GPR63: variants seen among roughly 807,000 people sequenced by gnomAD.
The protein encoded by GPR63 is G protein-coupled receptor 63, also known as probable G protein-coupled receptor 63.
GPR63 carries 12 observed loss-of-function variants against 23.1 expected under a neutral mutation model. The observed-to-expected ratio is 0.52, with a 90% CI of 0.33 to 0.84. The LOEUF (loss-of-function observed/expected upper bound fraction) is 0.84, where lower values mean the gene tolerates loss of function less well. Among genes scored for constraint, GPR63 ranks in the 40% least tolerant of loss-of-function variants. The pLI is 0.02. For synonymous variants in GPR63, 172 were observed against 191.1 expected, an observed-to-expected ratio of 0.90 and a Z score of 0.82; for missense variants, 472 against 515.6, an observed-to-expected ratio of 0.92 and a Z score of 0.82.
intron 1 of GPR63, among the ~76,000 whole-genome samples, chr6:96,809,372 G>C (rs1773982017): frequency 6.6e-6 from 1 of 152,040 alleles, no homozygotes; most frequent in Admixed American, 6.6e-5. Flanking sequence ...AAAGAGATAG[G>C]AGCACCACAT....
At chr6:96,804,130 G>A (rs372246879) in intron 1 of GPR63, among the ~76,000 whole-genome samples, 1 of 152,182 alleles carries the variant, frequency 6.6e-6, no homozygotes. Flanking sequence ...TTTATATTTG[G>A]AGTGTGCCAG....
Position 96,795,844 on chromosome 6 carries a change from T to C in GPR63, c.*2628A>G, listed in dbSNP as rs1395913031. 6.6e-6 allele frequency: 1 copy of C among 152,220 alleles called. No individual in the cohort carries two copies. Among genetic ancestry groups the C allele is most frequent in the Non-Finnish European group, 1.5e-5 (1 of 68,052 alleles). The allele number at this position is 152,220 out of a possible 1,614,324, so 9.4% of individuals were successfully genotyped here. ...CAATATCTGCTTGAAATCTAGTTTA[T>C]ATGGAAAATGGAGAGCATAATACAC... On this transcript the variant is annotated 3_prime_UTR_variant, in exon 2 of 2. Transcript: ENST00000229955.
chr6:96,798,520 T>C lies in GPR63; in HGVS notation c.1212A>G (p.Ile404Met), dbSNP rs1029386534. Residue 404 changes from isoleucine (I) to methionine (M), a missense_variant, in exon 2 of 2, where the codon ATA becomes ATG. Transcript: ENST00000229955. ...CACACACATAGACAGCACTAGGACG[T>C]ATCCGTCGCTTTGTGTGACCAGGGA... ...PQLPGHTKRR[I>M]RPSAVYVCGE... The C allele has an allele frequency of 7.4e-6, 12 of 1,614,198 alleles. No individual in the cohort carries two copies. Among genetic ancestry groups the C allele is most frequent in the Non-Finnish European group, 9.3e-6 (11 of 1,180,034 alleles).
intron 1 of GPR63, among the ~76,000 whole-genome samples, chr6:96,836,999 G>A (rs866806827): frequency 6.6e-6 from 1 of 152,160 alleles, no homozygotes; most frequent in South Asian, 2.1e-4. Flanking sequence ...GGGCAGGGGA[G>A]GGGGGCGGGC....
intron 1 of GPR63, among the ~76,000 whole-genome samples, chr6:96,836,130 T>C (rs1774721511): frequency 6.6e-6 from 1 of 152,020 alleles, no homozygotes; most frequent in Non-Finnish European, 1.5e-5. Flanking sequence ...GGAATAGAGG[T>C]GTGGCAGAGA....
intron 1 of GPR63, among the ~76,000 whole-genome samples, chr6:96,803,507 T>A (rs930676331): frequency 6.6e-6 from 1 of 152,212 alleles, no homozygotes; most frequent in African/African-American, 2.4e-5. Flanking sequence ...CTAAGGAACA[T>A]AGCATGAACA....
rs1773703916 is a variant in GPR63 at position 96,799,551 on chromosome 6, C to T, written c.181G>A (p.Val61Met). ...GTTGTGGGCACAGCTGTACTATTCA[C>T]GGTCAAGGAACTCAAACCAGTGGGA... The part of the protein sequence containing the change: ...MAPTGLSSLT[V>M]NSTAVPTTPA... The change falls in exon 2 of 2, where the codon GTG becomes ATG. Residue 61 changes from valine (V) to methionine (M), a missense_variant. Transcript: ENST00000229955. The T allele has an allele frequency of 1.9e-6, 3 of 1,614,004 alleles. No individual in the cohort carries two copies. Among genetic ancestry groups the T allele is most frequent in the Admixed American group, 1.7e-5 (1 of 60,000 alleles).
chr6:96,836,877 C>T (rs914633900), intron 1 of GPR63, among the ~76,000 whole-genome samples: 1 of 152,144 alleles, frequency 6.6e-6, no homozygotes, highest in African/African-American at 2.4e-5. Flanking sequence ...TCATCTCCTT[C>T]CTCTCACTCC....
chr6:96,799,926 T>A, intron 1 of GPR63, 45 bp from the exon 2 acceptor site: 1 of 608,470 alleles, frequency 1.6e-6, no homozygotes, highest in East Asian at 2.8e-5. Context: ...GAAATGAGAT[T>A]TGCAAATAAC....
intron 1 of GPR63, among the ~76,000 whole-genome samples, chr6:96,807,459 T>C (rs1773925677): frequency 6.6e-6 from 1 of 152,244 alleles, no homozygotes. Context: ...CTTCCATGAT[T>C]GGTGACTTTG....
intron 1 of GPR63, among the ~76,000 whole-genome samples, chr6:96,817,395 C>T (rs1009005778): frequency 8.5e-5 from 13 of 152,070 alleles, no homozygotes; most frequent in Non-Finnish European, 1.8e-4. Flanking sequence ...ATGTGGTACA[C>T]ATGAAACTTT....
At chr6:96,802,698 C>A (rs1448683696) in intron 1 of GPR63, among the ~76,000 whole-genome samples, 2 of 133,714 alleles carry the variant, frequency 1.5e-5, no homozygotes, top group African/African-American at 5.8e-5. Flanking sequence ...TGCCACCATG[C>A]CCAGCTAATT....
At chr6:96,807,174 A>G (rs1408730722) in intron 1 of GPR63, among the ~76,000 whole-genome samples, 1 of 152,254 alleles carries the variant, frequency 6.6e-6, no homozygotes, top group Non-Finnish European at 1.5e-5. Context: ...AATCAGGCAG[A>G]CAAGATGACC....
At chr6:96,833,441 C>A (rs777216210) in intron 1 of GPR63, among the ~76,000 whole-genome samples, 2 of 152,176 alleles carry the variant, frequency 1.3e-5, no homozygotes, top group African/African-American at 2.4e-5. Context: ...AAGTTACCTA[C>A]GCATTTGTTT....
chr6:96,807,788 T>C (rs936316225), intron 1 of GPR63, among the ~76,000 whole-genome samples: 1 of 152,162 alleles, frequency 6.6e-6, no homozygotes, highest in African/African-American at 2.4e-5. Context: ...CTCCTGAGTT[T>C]TGTTAGGAAG....
At chr6:96,809,447 T>C (rs1000862238) in intron 1 of GPR63, among the ~76,000 whole-genome samples, 7 of 152,168 alleles carry the variant, frequency 4.6e-5, no homozygotes, top group African/African-American at 1.7e-4. Context: ...CTGGGCTGCC[T>C]AGATAGATAT....
chr6:96,808,318 A>G (rs1773951503), intron 1 of GPR63, among the ~76,000 whole-genome samples: 1 of 152,206 alleles, frequency 6.6e-6, no homozygotes, highest in Non-Finnish European at 1.5e-5. Context: ...TAAAAAAATG[A>G]GACTCAGTAA....
chr6:96,811,307 G>A (rs543629390), intron 1 of GPR63, among the ~76,000 whole-genome samples: 2 of 152,280 alleles, frequency 1.3e-5, no homozygotes, highest in Non-Finnish European at 2.9e-5. Context: ...AATAACCCAC[G>A]CGTTCCAGCC....
At chr6:96,834,608 G>A (rs1270294836) in intron 1 of GPR63, among the ~76,000 whole-genome samples, 1 of 149,460 alleles carries the variant, frequency 6.7e-6, no homozygotes, top group Non-Finnish European at 1.5e-5. Flanking sequence ...ACAAAGTAAA[G>A]GTGATTTGCA....
Sources: gnomAD v4.1 joint callset for allele counts (sites outside exome capture counted in the v4.1 genomes callset) on GRCh38, gnomAD v4.1.1 for gene constraint, MANE v1.5 for transcripts, NCBI Gene and HGNC (gene_info 2026-07-23, HGNC 2026-07-21) for gene names.